The following MOB3B variants were observed in gnomAD, a reference collection of about 807,000 sequenced individuals.
The protein encoded by MOB3B is MOB kinase activator 3B, also known as MOB kinase activator-like 2B.
MOB3B carries 7 observed loss-of-function variants against 18.7 expected under a neutral mutation model. The observed-to-expected ratio is 0.37, with a 90% CI of 0.21 to 0.70. The LOEUF (loss-of-function observed/expected upper bound fraction) is 0.70. Ranked by LOEUF, MOB3B falls within the 30% of genes least tolerant of loss-of-function variation. The pLI is 0.52. For synonymous variants in MOB3B, 111 were observed against 99.9 expected, an observed-to-expected ratio of 1.11 and a Z score of -0.66; for missense variants, 253 against 281.3, an observed-to-expected ratio of 0.90 and a Z score of 0.72.
At chr9:27,379,874 G>A (rs569845830) in intron 2 of MOB3B, among the ~76,000 whole-genome samples, 83 of 152,254 alleles carry the variant, frequency 5.5e-4, no homozygotes, top group South Asian at 1.2e-3. Context: ...TTTCAATATA[G>A]TACAAAGTGT....
chr9:27,396,606 T>C (rs1587180048), intron 2 of MOB3B, among the ~76,000 whole-genome samples: 3 of 152,214 alleles, frequency 2.0e-5, no homozygotes. Context: ...TCCTTGACTA[T>C]CTACCACTAT....
chr9:27,438,624 T>A (rs555297914), intron 2 of MOB3B, among the ~76,000 whole-genome samples: 2 of 152,210 alleles, frequency 1.3e-5, no homozygotes, highest in Non-Finnish European at 2.9e-5. Flanking sequence ...GTTTTGGTCA[T>A]ATTTGTTAAA....
At chr9:27,372,856 G>A (rs965445211) in intron 2 of MOB3B, among the ~76,000 whole-genome samples, 2 of 152,208 alleles carry the variant, frequency 1.3e-5, no homozygotes, top group African/African-American at 4.8e-5. Context: ...ACTGTGTAGA[G>A]TTTAATAACA....
At chr9:27,426,676 C>T (rs1411722) in intron 2 of MOB3B, among the ~76,000 whole-genome samples, 88,654 of 152,022 alleles carry the variant, frequency 0.58, 26,431 homozygotes, top group African/African-American at 0.66. Context: ...TAATACATGA[C>T]ACTGTCCCCC....
intron 1 of MOB3B, among the ~76,000 whole-genome samples, chr9:27,457,816 A>G (rs1253677954): frequency 6.6e-6 from 1 of 152,168 alleles, no homozygotes. Flanking sequence ...ACTTCTGGGT[A>G]CCCTGGAATA....
chr9:27,337,715 G>A (rs1193786199), intron 3 of MOB3B, among the ~76,000 whole-genome samples: 1 of 152,198 alleles, frequency 6.6e-6, no homozygotes, highest in Non-Finnish European at 1.5e-5. Flanking sequence ...CTCTTGGACT[G>A]TAGACAGGGA....
rs560593713 is a variant in MOB3B, at chr9:27,445,946, G to A, written c.418+9187C>T. On this transcript the variant is annotated intron_variant, in intron 2 of 3. Coordinates refer to ENST00000262244, the MANE Select transcript of MOB3B (RefSeq NM_024761.5). The stretch of plus-strand genomic sequence containing the variant: ...TTCTTCGCTGCTCTCCAGTCCTGAC[G>A]ACCTGGGCTGGATGATGTAGAAACA... Among the ~76,000 whole-genome samples the A allele has an allele frequency of 2.0e-5, 3 of 152,216 alleles. No individual in the cohort carries two copies. The South Asian group carries it at 6.2e-4, about 32-fold the overall frequency.
chr9:27,480,664 C>G (rs1344952836), intron 1 of MOB3B, among the ~76,000 whole-genome samples: 1 of 152,128 alleles, frequency 6.6e-6, no homozygotes, highest in Admixed American at 6.5e-5. Flanking sequence ...TGGTCTTGAT[C>G]TCTTGATCTG....
chr9:27,455,944 G>A (rs1315525434), intron 1 of MOB3B, among the ~76,000 whole-genome samples, 196 bp from the exon 2 acceptor site: 1 of 152,140 alleles, frequency 6.6e-6, no homozygotes, highest in Non-Finnish European at 1.5e-5. Flanking sequence ...AGAAGAAAAG[G>A]CATCACACTT....
intron 1 of MOB3B, chr9:27,524,893 T>C (rs773360788): frequency 6.2e-7 from 1 of 1,612,570 alleles, no homozygotes; most frequent in Admixed American, 1.7e-5. Flanking sequence ...TGGGAGATTG[T>C]CCGAGTGGAA....
intron 1 of MOB3B, among the ~76,000 whole-genome samples, chr9:27,469,785 C>T (rs2131465948): frequency 6.6e-6 from 1 of 152,228 alleles, no homozygotes; most frequent in South Asian, 2.1e-4. Flanking sequence ...CCCTTCAAAA[C>T]TTCCCCCCTC....
chr9:27,398,397 T>C (rs1821831254), intron 2 of MOB3B, among the ~76,000 whole-genome samples: 1 of 151,154 alleles, frequency 6.6e-6, no homozygotes, highest in Non-Finnish European at 1.5e-5. Context: ...AGAGTCTTCA[T>C]GGTTTTCTTT....
chr9:27,508,007 C>T (rs77936840), intron 1 of MOB3B, among the ~76,000 whole-genome samples: 4,804 of 152,240 alleles, frequency 0.032, 103 homozygotes, highest in Middle Eastern at 0.065. Flanking sequence ...TTAAAGATTT[C>T]AAGGTAACTG....
intron 1 of MOB3B, among the ~76,000 whole-genome samples, chr9:27,504,779 AG>A (rs1426119971): frequency 3.9e-5 from 6 of 152,192 alleles, no homozygotes; most frequent in African/African-American, 1.4e-4. Context: ...CCACAAACTT[AG>A]TGGCTTCAAA....
At chr9:27,524,736 A>G (rs369317377) in intron 1 of MOB3B, 1 of 1,613,906 alleles carries the variant, frequency 6.2e-7, no homozygotes, top group African/African-American at 1.3e-5. Context: ...GGAAGACAAG[A>G]ATGAAAATGA....
intron 1 of MOB3B, among the ~76,000 whole-genome samples, chr9:27,467,450 A>C (rs751922548): frequency 6.6e-6 from 1 of 152,238 alleles, no homozygotes; most frequent in Admixed American, 6.5e-5. Flanking sequence ...GTGATGATCA[A>C]TAGGAGTCCC....
intron 2 of MOB3B, among the ~76,000 whole-genome samples, chr9:27,441,058 A>T (rs2764328): frequency 5.2e-4 from 79 of 152,020 alleles, no homozygotes; most frequent in African/African-American, 1.9e-3. Flanking sequence ...AGAATCTAAC[A>T]CCGCCACTGA....
At chr9:27,399,280 C>T (rs2131390273) in intron 2 of MOB3B, among the ~76,000 whole-genome samples, 3 of 152,312 alleles carry the variant, frequency 2.0e-5, no homozygotes, top group African/African-American at 7.2e-5. Flanking sequence ...AGGAGGAAGG[C>T]TATGCCTCAT....
At chr9:27,403,198 C>G (rs1051273231) in intron 2 of MOB3B, among the ~76,000 whole-genome samples, 1 of 152,198 alleles carries the variant, frequency 6.6e-6, no homozygotes, top group Non-Finnish European at 1.5e-5. Flanking sequence ...GAAGACTTAA[C>G]CTAGCCATAC....
Sources: gnomAD v4.1 joint callset for allele counts (sites outside exome capture counted in the v4.1 genomes callset) on GRCh38, gnomAD v4.1.1 for gene constraint, MANE v1.5 for transcripts, NCBI Gene and HGNC (gene_info 2026-07-23, HGNC 2026-07-21) for gene names.